LURAP1: variants seen among roughly 807,000 people sequenced by gnomAD.
The protein encoded by LURAP1 is NF-kappa-B activator C1orf190.
In LURAP1, 14 loss-of-function variants were observed where a neutral mutation model predicts 19.0. The observed-to-expected ratio is 0.74, with a 90% CI of 0.49 to 1.15. The LOEUF (loss-of-function observed/expected upper bound fraction) is 1.15, where lower values mean the gene tolerates loss of function less well. LURAP1 is among the 50% of genes most tolerant of loss of function. The pLI, the probability that LURAP1 is intolerant of heterozygous loss-of-function variation, is 0.00. For missense variants in LURAP1, 273 were observed against 309.1 expected, an observed-to-expected ratio of 0.88 and a Z score of 0.87; for synonymous variants, 129 against 131.8, an observed-to-expected ratio of 0.98 and a Z score of 0.14.
At chr1:46,208,108 C>T (rs1314807337) in intron 1 of LURAP1, among the ~76,000 whole-genome samples, 2 of 152,056 alleles carry the variant, frequency 1.3e-5, no homozygotes, top group African/African-American at 4.8e-5. Flanking sequence ...GATCTGCCTG[C>T]TTTGGCCTCC....
chr1:46,218,047 A>G (rs1659121135), intron 1 of LURAP1, among the ~76,000 whole-genome samples: 2 of 152,194 alleles, frequency 1.3e-5, no homozygotes, highest in Admixed American at 6.5e-5. Flanking sequence ...AGAACTGTTC[A>G]TGTTCATAAT....
chr1:46,208,061 C>G (rs369602129), intron 1 of LURAP1, among the ~76,000 whole-genome samples: 1 of 151,340 alleles, frequency 6.6e-6, no homozygotes, highest in South Asian at 2.1e-4. Flanking sequence ...GGTTTCACCA[C>G]GTTGGCCAGG....
rs867760289 is a variant in LURAP1, at chr1:46,212,509, C to T, written c.199-7190C>T. On this transcript the variant is annotated intron_variant, in intron 1 of 1. Transcript: ENST00000371980. ...TGTTAGCCAGGATGGTCTTGATCTC[C>T]TGACCTCGTGATCCGCCCGCCTTGG... is the stretch of plus-strand genomic sequence containing the variant. 2.7e-4 allele frequency among the ~76,000 whole-genome samples: 41 copies of T among 152,054 alleles called. 1 individual carries two copies. In the Middle Eastern group the frequency reaches 0.034, roughly 126 times the overall value.
intron 1 of LURAP1, among the ~76,000 whole-genome samples, chr1:46,212,142 A>G (rs1011758641): frequency 6.6e-6 from 1 of 152,236 alleles, no homozygotes; most frequent in African/African-American, 2.4e-5. Context: ...GAATAATTCA[A>G]TAAACATTTT....
rs559842870 is a variant in LURAP1 at position 46,220,356 on chromosome 1, A to G, written c.*136A>G. 25 of 895,218 alleles carry G rather than the reference A, an allele frequency of 2.8e-5. No homozygotes were observed. The South Asian group carries it at 4.4e-4, about 16-fold the overall frequency. The allele number at this position is 895,218 out of a possible 1,614,324, so 55.5% of individuals were successfully genotyped here. ...AGTTACCATGGAAACCTGGCTCATC[A>G]TTTCTCTAGTCCCTAGGGAGTCTCT... On this transcript the variant is annotated 3_prime_UTR_variant, in exon 2 of 2. Transcript: ENST00000371980.
chr1:46,219,621 A>G, intron 1 of LURAP1, 78 bp from the exon 2 acceptor site: 5 of 1,452,382 alleles, frequency 3.4e-6, no homozygotes, highest in Non-Finnish European at 4.6e-6. Flanking sequence ...TGGCTGAACC[A>G]CAAGGTAGTG....
chr1:46,218,929 A>G (rs975644970), intron 1 of LURAP1, among the ~76,000 whole-genome samples: 8 of 151,534 alleles, frequency 5.3e-5, no homozygotes, highest in African/African-American at 1.5e-4. Flanking sequence ...GGCCCAATCT[A>G]CTTCCTGATT....
chr1:46,215,847 T>C (rs534873363), intron 1 of LURAP1, among the ~76,000 whole-genome samples: 16 of 152,082 alleles, frequency 1.1e-4, no homozygotes, highest in African/African-American at 2.9e-4. Flanking sequence ...TAGTCAACCA[T>C]GATTGTGCCA....
At chr1:46,208,521 A>C (rs1658790814) in intron 1 of LURAP1, among the ~76,000 whole-genome samples, 1 of 152,180 alleles carries the variant, frequency 6.6e-6, no homozygotes, top group Non-Finnish European at 1.5e-5. Context: ...TGAAGAATGA[A>C]TAAAGTCAGT....
chr1:46,217,753 A>C (rs1273394225), intron 1 of LURAP1, among the ~76,000 whole-genome samples: 1 of 152,202 alleles, frequency 6.6e-6, no homozygotes, highest in Non-Finnish European at 1.5e-5. Context: ...GCTACTCAGC[A>C]GGCTGAGGCA....
intron 1 of LURAP1, among the ~76,000 whole-genome samples, chr1:46,211,834 G>A (rs188843648): frequency 2.2e-4 from 34 of 151,264 alleles, no homozygotes; most frequent in African/African-American, 7.3e-4. Flanking sequence ...GTGTGATCTC[G>A]GCTCACTACA....
At position 46,220,384 on chromosome 1, in the gene LURAP1, C is replaced by T. The variant is rs1659203095; in HGVS notation, c.*164C>T. On this transcript the variant is annotated 3_prime_UTR_variant, in exon 2 of 2. Coordinates refer to ENST00000371980, the MANE Select transcript of LURAP1 (RefSeq NM_001013615.3). ...TCTCTAGTCCCTAGGGAGTCTCTGC[C>T]TTTATCCCTCAATTATTGGGTCCCT... 1 of 689,910 alleles carries T rather than the reference C, an allele frequency of 1.4e-6. No homozygotes were observed. The highest frequency in any genetic ancestry group is 2.8e-5 in the East Asian group (1 of 36,322). The allele number at this position is 689,910 out of a possible 1,614,324, so 42.7% of individuals were successfully genotyped here.
chr1:46,212,486 T>C (rs1658931601), intron 1 of LURAP1, among the ~76,000 whole-genome samples: 1 of 152,026 alleles, frequency 6.6e-6, no homozygotes. Flanking sequence ...TTTCACCGTG[T>C]TAGCCAGGAT....
chr1:46,214,685 G>A (rs985232456), intron 1 of LURAP1, among the ~76,000 whole-genome samples: 2 of 151,908 alleles, frequency 1.3e-5, no homozygotes, highest in African/African-American at 4.8e-5. Context: ...GACCAACATG[G>A]TGAAACCCCA....
intron 1 of LURAP1, among the ~76,000 whole-genome samples, chr1:46,211,191 T>G (rs1658882950): frequency 1.3e-5 from 2 of 152,176 alleles, no homozygotes; most frequent in Admixed American, 1.3e-4. Context: ...AAAGCCTGTC[T>G]GTTTAGATTC....
chr1:46,213,812 G>A lies in LURAP1; in HGVS notation c.199-5887G>A, dbSNP rs978527876. Reference sequence around the variant, plus strand: ...CTAGGATACTGACAGCCTTGCTTACGTTATACTCTCTAGAGTGGTATAATA... The same window carrying A: ...CTAGGATACTGACAGCCTTGCTTACATTATACTCTCTAGAGTGGTATAATA... On this transcript the variant is annotated intron_variant, in intron 1 of 1. Transcript: ENST00000371980. 5.9e-5 allele frequency among the ~76,000 whole-genome samples: 9 copies of A among 151,458 alleles called. No homozygotes were observed. In the East Asian group the frequency reaches 1.2e-3, roughly 20 times the overall value.
intron 1 of LURAP1, among the ~76,000 whole-genome samples, chr1:46,209,096 C>T (rs1484901878): frequency 6.6e-6 from 1 of 152,080 alleles, no homozygotes; most frequent in African/African-American, 2.4e-5. Context: ...GCAATCTTGG[C>T]TCACCGCAAC....
At chr1:46,205,010 C>A (rs890520887) in intron 1 of LURAP1, among the ~76,000 whole-genome samples, 1 of 152,142 alleles carries the variant, frequency 6.6e-6, no homozygotes, top group African/African-American at 2.4e-5. Flanking sequence ...GTAATCCCAG[C>A]ACTTTGGGAG....
At chr1:46,206,542 C>T (rs1205558547) in intron 1 of LURAP1, among the ~76,000 whole-genome samples, 3 of 152,150 alleles carry the variant, frequency 2.0e-5, no homozygotes, top group Non-Finnish European at 4.4e-5. Flanking sequence ...GGCTGCATCT[C>T]TCCTGAGCTG....
Sources: allele counts gnomAD v4.1 joint callset (sites outside exome capture counted in the v4.1 genomes callset), GRCh38; gene constraint gnomAD v4.1.1; transcripts MANE v1.5; gene names NCBI Gene and HGNC (gene_info 2026-07-23, HGNC 2026-07-21).